Variants in SCRN1 observed in about 807,000 individuals in gnomAD.
SCRN1 encodes secernin 1.
In SCRN1, 19 loss-of-function variants were observed where a neutral mutation model predicts 43.3. That is an observed-to-expected ratio of 0.44 (90% confidence interval 0.31 to 0.64). The LOEUF is 0.64. Among genes scored for constraint, SCRN1 ranks in the 30% least tolerant of loss-of-function variants. The probability of loss-of-function intolerance (pLI) is 0.09; values close to 1 mark genes in which losing one functional copy is unlikely to be tolerated. For missense variants in SCRN1, 447 were observed against 524.1 expected (o/e 0.85, Z 1.44); for synonymous variants, 183 against 188.9 (o/e 0.97, Z 0.26).
rs1318906496 is a variant in SCRN1 at position 29,965,019 on chromosome 7, C to T, written c.159+3890G>A. 6.6e-6 allele frequency among the ~76,000 whole-genome samples: 1 copy of T among 151,940 alleles called. No homozygotes were observed. The highest frequency in any genetic ancestry group is 1.5e-5 in the Non-Finnish European group (1 of 68,002). The stretch of plus-strand genomic sequence containing the variant: ...TTGTAGCGAATGTACCACATTGATG[C>T]CAGACGTTACTAGCAGGGTAAACTA... On this transcript the variant is annotated intron_variant, in intron 2 of 7. Transcript: ENST00000242059. The surrounding 1 kb of genome is among the most constrained non-coding windows in gnomAD (Gnocchi z 4.2).
intron 2 of SCRN1, among the ~76,000 whole-genome samples, chr7:29,964,475 A>C (rs547327240): frequency 6.6e-6 from 1 of 151,416 alleles, no homozygotes; most frequent in East Asian, 2.0e-4. Flanking sequence ...AAAAGTATGG[A>C]CACAATAGGA....
Position 29,922,870 on chromosome 7 carries a change from C to G in SCRN1, c.*1087G>C, listed in dbSNP as rs998180772. The G allele has an allele frequency of 6.6e-6, 1 of 152,266 alleles. No homozygotes were observed. Among genetic ancestry groups the G allele is most frequent in the Non-Finnish European group, 1.5e-5 (1 of 68,088 alleles). The allele number at this position is 152,266 out of a possible 1,614,324, so 9.4% of individuals were successfully genotyped here. A position where few individuals can be genotyped will look rare whatever the true frequency, so the allele number is the denominator to read the frequency against. ...CATCTGGTCTTCCTTGCATGCTTTTCTATGCTCTGGTGGTAAGTCAAATCC... is the reference window on the plus strand; with the variant it reads ...CATCTGGTCTTCCTTGCATGCTTTTGTATGCTCTGGTGGTAAGTCAAATCC... On this transcript the variant is annotated 3_prime_UTR_variant, in exon 8 of 8. Transcript: ENST00000242059.
upstream of SCRN1, chr7:29,990,068 G>T: frequency 2.6e-6 from 4 of 1,514,522 alleles, no homozygotes; most frequent in Non-Finnish European, 3.5e-6. Context: ...GGAAAACCCG[G>T]GCTTCAAGGA....
intron 5 of SCRN1, among the ~76,000 whole-genome samples, chr7:29,937,754 T>G (rs1196826536): frequency 1.3e-5 from 2 of 152,238 alleles, no homozygotes; most frequent in African/African-American, 4.8e-5. Context: ...AGATCCCATT[T>G]CTACATCTTC....
At chr7:29,967,089 G>C (rs1296061506) in intron 2 of SCRN1, among the ~76,000 whole-genome samples, 5 of 152,008 alleles carry the variant, frequency 3.3e-5, no homozygotes, top group African/African-American at 1.2e-4. Context: ...AAAGAATAGA[G>C]GTTATGTAGT....
chr7:29,989,095 G>T (rs1394245554), intron 1 of SCRN1: 2 of 152,086 alleles, frequency 1.3e-5, no homozygotes, highest in African/African-American at 4.8e-5. Context: ...GCGCGCGTCG[G>T]CCTAGCGGGG....
chr7:29,923,890 GTT>G lies in SCRN1; in HGVS notation c.*65_*66del. The G allele has an allele frequency of 6.6e-7, 1 of 1,504,168 alleles. No individual in the cohort carries two copies. The highest frequency in any genetic ancestry group is 1.8e-4 in the Middle Eastern group (1 of 5,642). The allele number at this position is 1,504,168 out of a possible 1,614,324, so 93.2% of individuals were successfully genotyped here. A position where few individuals can be genotyped will look rare whatever the true frequency, so the allele number is the denominator to read the frequency against. The stretch of plus-strand genomic sequence containing the variant: ...CTCATTTTACTCAAACAGGAGAGTG[GTT>G]TGTTTTGCTGGTAATTTAGTAAGGT... On this transcript the variant is annotated 3_prime_UTR_variant, in exon 8 of 8. Transcript: ENST00000242059.
intron 5 of SCRN1, among the ~76,000 whole-genome samples, chr7:29,936,942 A>T (rs906696873): frequency 2.6e-5 from 4 of 152,004 alleles, no homozygotes; most frequent in Admixed American, 6.5e-5. Context: ...GCTACTTGGG[A>T]GGCTGAGGCA....
intron 3 of SCRN1, 108 bp downstream of exon 3, chr7:29,955,071 A>T: frequency 1.1e-6 from 1 of 891,166 alleles, no homozygotes; most frequent in Non-Finnish European, 1.7e-6. Flanking sequence ...GGCACACATC[A>T]TCTTTGGAAG....
rs1173022495 is a variant in SCRN1 at position 29,965,219 on chromosome 7, AATCAGCTTGGACTCTC to A, written c.159+3674_159+3689del. Among the ~76,000 whole-genome samples, 4 of 152,196 alleles carry A rather than the reference AATCAGCTTGGACTCTC, an allele frequency of 2.6e-5. No homozygotes were observed. The highest frequency in any genetic ancestry group is 9.6e-5 in the African/African-American group (4 of 41,454). ...TGGGAAGAGTTCTGAATGGCATACA[AATCAGCTTGGACTCTC>A]ATCCTGTAAACAAAACGAAACACTT... On this transcript the variant is annotated intron_variant, in intron 2 of 7. Transcript: ENST00000242059. The surrounding 1 kb of genome is among the most constrained non-coding windows in gnomAD (Gnocchi z 4.2).
At chr7:29,985,960 C>A (rs1232161268) in intron 1 of SCRN1, among the ~76,000 whole-genome samples, 1 of 152,236 alleles carries the variant, frequency 6.6e-6, no homozygotes, top group African/African-American at 2.4e-5. Flanking sequence ...AAGGGCTGGG[C>A]GAGGTGGCTC....
intron 1 of SCRN1, among the ~76,000 whole-genome samples, chr7:29,975,783 C>T (rs1365116378): frequency 2.0e-5 from 3 of 152,232 alleles, no homozygotes; most frequent in East Asian, 3.8e-4. Flanking sequence ...AATACACTGA[C>T]AGTTCTAATT....
Position 29,984,204 on chromosome 7 carries a change from C to CAAAAA in SCRN1, c.-2+5433_-2+5437dup, listed in dbSNP as rs55733700. Among the ~76,000 whole-genome samples the CAAAAA allele has an allele frequency of 5.1e-5, 5 of 98,254 alleles. 1 individual carries two copies. The highest frequency in any genetic ancestry group is 1.0e-4 in the Non-Finnish European group (5 of 49,054). The allele number at this position is 98,254 out of a possible 152,430, so 64.5% of individuals were successfully genotyped here. The stretch of plus-strand genomic sequence containing the variant: ...CTGGGCGACAGAGTGAGACAGTCTC[C>CAAAAA]AAAAAAAAAAAAAAAAAAAAAGAAA... On this transcript the variant is annotated intron_variant, in intron 1 of 7. Coordinates refer to ENST00000242059, the MANE Select transcript of SCRN1 (RefSeq NM_014766.5).
chr7:29,952,748 G>A (rs574481033), intron 3 of SCRN1, among the ~76,000 whole-genome samples: 1 of 151,962 alleles, frequency 6.6e-6, no homozygotes, highest in South Asian at 2.1e-4. Flanking sequence ...TTTAGGATTT[G>A]GTTGGTATGA....
At chr7:29,984,433 G>A (rs56054278) in intron 1 of SCRN1, among the ~76,000 whole-genome samples, 27,350 of 151,464 alleles carry the variant, frequency 0.18, 2,595 homozygotes, top group African/African-American at 0.24. Context: ...GTGAGGCAAA[G>A]TTTTTTTAAT....
chr7:29,968,107 A>C (rs1007833276), intron 2 of SCRN1, among the ~76,000 whole-genome samples: 11 of 152,254 alleles, frequency 7.2e-5, no homozygotes, highest in Non-Finnish European at 1.2e-4. Context: ...AATAAGAATT[A>C]ATGGATAATG....
chr7:29,956,725 A>T (rs1562814282), intron 2 of SCRN1, among the ~76,000 whole-genome samples: 1 of 152,214 alleles, frequency 6.6e-6, no homozygotes, highest in Non-Finnish European at 1.5e-5. Flanking sequence ...AATATTTGCA[A>T]ACTGAAAACT....
At chr7:29,952,093 C>A (rs1787952399) in intron 3 of SCRN1, among the ~76,000 whole-genome samples, 1 of 152,238 alleles carries the variant, frequency 6.6e-6, no homozygotes, top group South Asian at 2.1e-4. Flanking sequence ...TAGGGAGGCA[C>A]TGAGCCCCAA....
chr7:29,932,185 T>C (rs993282415), intron 6 of SCRN1, among the ~76,000 whole-genome samples: 3 of 152,036 alleles, frequency 2.0e-5, no homozygotes, highest in South Asian at 2.1e-4. Context: ...GAATTCAGAA[T>C]GGAATTGGAG....
Sources: gnomAD v4.1 joint callset for allele counts (sites outside exome capture counted in the v4.1 genomes callset) on GRCh38, gnomAD v4.1.1 for gene constraint, Gnocchi (gnomAD v3.1) non-coding constraint, MANE v1.5 for transcripts, NCBI Gene and HGNC (gene_info 2026-07-23, HGNC 2026-07-21) for gene names.